TTC6: variants seen among roughly 807,000 people sequenced by gnomAD.
The protein encoded by TTC6 is tetratricopeptide repeat domain 6.
TTC6 carries 172 observed loss-of-function variants against 210.4 expected under a neutral mutation model. That is an observed-to-expected ratio of 0.82 (90% CI 0.72 to 0.93). The LOEUF is 0.93. Among genes scored for constraint, TTC6 ranks in the 40% least tolerant of loss-of-function variants. TTC6 has a pLI of 0.00. For synonymous variants in TTC6, 804 were observed against 819.6 expected (o/e 0.98, Z 0.32); for missense variants, 2,414 against 2,318.1 (o/e 1.04, Z -0.85).
Position 37,771,318 on chromosome 14 carries a change from T to G in TTC6, c.3267-16150T>G, listed in dbSNP as rs542692324. ...CTTCTCAAGGAGTATCTTTGTGGCGTTCTCTGTATTTCCTGAATCTGAACG... is the reference window on the plus strand; with the variant it reads ...CTTCTCAAGGAGTATCTTTGTGGCGGTCTCTGTATTTCCTGAATCTGAACG... On this transcript the variant is annotated intron_variant, in intron 14 of 30. Coordinates refer to ENST00000553443, the Ensembl canonical transcript of TTC6. 6.8e-3 allele frequency among the ~76,000 whole-genome samples: 1,040 copies of G among 151,954 alleles called. 5 individuals carry two copies. The highest frequency in any genetic ancestry group is 0.011 in the Non-Finnish European group (761 of 67,872).
intron 15 of TTC6, among the ~76,000 whole-genome samples, chr14:37,789,628 CTA>C (rs1358692944): frequency 5.2e-5 from 7 of 134,726 alleles, no homozygotes; most frequent in South Asian, 2.3e-4. Context: ...TGTATATACT[CTA>C]TGTATATTCT....
At position 37,696,718 on chromosome 14, in the gene TTC6, C is replaced by CA; in HGVS notation, c.1263dup (p.Ser422IlefsTer13). On this transcript the variant is annotated frameshift_variant and splice_region_variant, in exon 4 of 31. Transcript: ENST00000553443. LOFTEE classifies it high-confidence loss of function. ...AGCACACTTTATATTTTCTTAAAGGCAAAATCACCAGAATTCTTGCAAATC... is the reference window on the plus strand; with the variant it reads ...AGCACACTTTATATTTTCTTAAAGGCAAAAATCACCAGAATTCTTGCAAATC... 1 of 1,431,986 alleles carries CA rather than the reference C, an allele frequency of 7.0e-7. No individual in the cohort carries two copies. The allele number at this position is 1,431,986 out of a possible 1,614,324, so 88.7% of individuals were successfully genotyped here. A position where few individuals can be genotyped will look rare whatever the true frequency, so the allele number is the denominator to read the frequency against.
In TTC6 at chr14:37,661,942, GTTCA is replaced by G. The variant is rs567628446; in HGVS notation, c.940-18203_940-18200del. Among the ~76,000 whole-genome samples, 28 of 152,226 alleles carry G rather than the reference GTTCA, an allele frequency of 1.8e-4. No homozygotes were observed. In the East Asian group the frequency reaches 5.4e-3, roughly 29 times the overall value. On this transcript the variant is annotated intron_variant, in intron 1 of 30. Transcript: ENST00000553443. ...CTCTTTGTAGCAATTGTGAATGGGA[GTTCA>G]TTCATGATTTGGCTCTCCACTTGTG... is the stretch of plus-strand genomic sequence containing the variant.
intron 1 of TTC6, among the ~76,000 whole-genome samples, chr14:37,634,801 C>A (rs177848): frequency 0.6 from 90,947 of 151,998 alleles, 27,696 homozygotes; most frequent in South Asian, 0.73. Flanking sequence ...AAACTATTAT[C>A]GTCAGAAGGC....
At chr14:37,725,292 G>A (rs190003299) in intron 7 of TTC6, among the ~76,000 whole-genome samples, 4 of 50,322 alleles carry the variant, frequency 7.9e-5, no homozygotes, top group Non-Finnish European at 1.3e-4. Flanking sequence ...ATTTATATAT[G>A]TATGTATGTG....
At chr14:37,732,331 C>G (rs147232777) in intron 7 of TTC6, among the ~76,000 whole-genome samples, 1 of 150,790 alleles carries the variant, frequency 6.6e-6, no homozygotes, top group Non-Finnish European at 1.5e-5. Flanking sequence ...TACAGGAGCC[C>G]GCCACCACGC....
intron 1 of TTC6, among the ~76,000 whole-genome samples, chr14:37,670,474 C>CTTTT (rs66725764): frequency 4.1e-5 from 5 of 121,316 alleles, no homozygotes; most frequent in African/African-American, 9.3e-5. Flanking sequence ...AACTACCTCA[C>CTTTT]TTTTTTTTTT....
chr14:37,695,229 CCAGAGGCTGGGAA>C (rs2095812526), intron 3 of TTC6, among the ~76,000 whole-genome samples: 1 of 151,772 alleles, frequency 6.6e-6, no homozygotes. Context: ...AGGATGGTTA[CCAGAGGCTGGGAA>C]GAGAGGCTTG....
chr14:37,757,838 C>G (rs2095972628), intron 14 of TTC6, among the ~76,000 whole-genome samples: 2 of 152,196 alleles, frequency 1.3e-5, no homozygotes, highest in South Asian at 4.1e-4. Flanking sequence ...ATAAATTTCC[C>G]TCTTAACTTT....
chr14:37,810,043 A>G (rs898470423), intron 24 of TTC6, among the ~76,000 whole-genome samples: 4 of 152,264 alleles, frequency 2.6e-5, no homozygotes, highest in Non-Finnish European at 5.9e-5. Flanking sequence ...AACATTTAGT[A>G]ATTTAGAAAT....
intron 1 of TTC6, among the ~76,000 whole-genome samples, chr14:37,672,132 T>G (rs1405502656): frequency 6.6e-6 from 1 of 152,186 alleles, no homozygotes; most frequent in African/African-American, 2.4e-5. Flanking sequence ...AGAGGCATAT[T>G]AACTTTCAAA....
chr14:37,624,954 A>C (rs1326530442), intron 1 of TTC6, among the ~76,000 whole-genome samples: 1 of 151,936 alleles, frequency 6.6e-6, no homozygotes, highest in East Asian at 1.9e-4. Flanking sequence ...CATTTCTCCT[A>C]CATATTGTTT....
intron 7 of TTC6, among the ~76,000 whole-genome samples, chr14:37,731,594 G>T (rs2095886366): frequency 6.6e-6 from 1 of 151,956 alleles, no homozygotes; most frequent in African/African-American, 2.4e-5. Flanking sequence ...ATATATTTTG[G>T]GGCCATGTTA....
upstream of TTC6, among the ~76,000 whole-genome samples, chr14:37,619,383 T>C (rs1287439019): frequency 2.0e-5 from 3 of 152,162 alleles, no homozygotes; most frequent in African/African-American, 4.8e-5. Context: ...TCATGATAAA[T>C]GAATAATTAC....
At chr14:37,819,106 A>G (rs1032732380) in intron 26 of TTC6, among the ~76,000 whole-genome samples, 24 of 152,280 alleles carry the variant, frequency 1.6e-4, no homozygotes, top group Admixed American at 6.5e-4. Context: ...TCATAACCCA[A>G]CTAGAATCTC....
At chr14:37,810,393 A>G (rs543747839) in intron 24 of TTC6, among the ~76,000 whole-genome samples, 1 of 152,302 alleles carries the variant, frequency 6.6e-6, no homozygotes, top group East Asian at 1.9e-4. Flanking sequence ...AAAATGCAAA[A>G]CTACCTAAAT....
At position 37,817,475 on chromosome 14, in the gene TTC6, A is replaced by G. The variant is rs1176289704; in HGVS notation, c.4690-103A>G. On this transcript the variant is annotated intron_variant, in intron 25 of 30. Coordinates refer to ENST00000553443, the Ensembl canonical transcript of TTC6. The stretch of plus-strand genomic sequence containing the variant: ...GTCACATGTATTTAGGAAGATGTAT[A>G]TCTTAATGCTTGTGTCATTGTGGAA... The G allele has an allele frequency of 1.8e-5, 17 of 941,360 alleles. No homozygotes were observed. The Admixed American group carries it at 3.3e-4, about 18-fold the overall frequency. The allele number at this position is 941,360 out of a possible 1,614,324, so 58.3% of individuals were successfully genotyped here. A position where few individuals can be genotyped will look rare whatever the true frequency, so the allele number is the denominator to read the frequency against.
At chr14:37,622,554 C>G (rs1005647249) in exon 1 of TTC6, 2 of 1,534,768 alleles carry the variant, frequency 1.3e-6, no homozygotes, top group African/African-American at 2.7e-5. Flanking sequence ...GCGCAGAGCG[C>G]GCGGGGTCTT....
At chr14:37,827,160 TC>T (rs752384209) in intron 28 of TTC6, 35 bp from the exon 31 acceptor site, 1 of 1,547,916 alleles carries the variant, frequency 6.5e-7, no homozygotes, top group South Asian at 1.2e-5. Flanking sequence ...TAAATACTAT[TC>T]CCCAATGTTA....
Sources: allele counts gnomAD v4.1 joint callset (sites outside exome capture counted in the v4.1 genomes callset), GRCh38; gene constraint gnomAD v4.1.1; transcripts MANE v1.5; gene names NCBI Gene and HGNC (gene_info 2026-07-23, HGNC 2026-07-21).